Variants in CNTN1 observed in about 807,000 individuals in gnomAD.
CNTN1 encodes the protein contactin 1.
In CNTN1, 38 loss-of-function variants were observed where a neutral mutation model predicts 126.4. The ratio of observed to expected loss-of-function variants is 0.30; its 90% CI spans 0.23 to 0.39. CNTN1 has a LOEUF of 0.39. Among genes scored for constraint, CNTN1 ranks in the 10% least tolerant of loss-of-function variants. The probability of loss-of-function intolerance (pLI) is 1.00; values close to 1 mark genes in which losing one functional copy is unlikely to be tolerated. For missense variants in CNTN1, 1,009 were observed against 1,248.4 expected (o/e 0.81, Z 2.89); for synonymous variants, 413 against 422.6 (o/e 0.98, Z 0.28).
At chr12:40,975,714 C>T (rs921148455) in intron 15 of CNTN1, among the ~76,000 whole-genome samples, 4 of 152,008 alleles carry the variant, frequency 2.6e-5, no homozygotes, top group African/African-American at 9.7e-5. Flanking sequence ...GAGGCAGCCA[C>T]CATCTGAAGT....
chr12:40,932,255 C>T (rs1267981301), intron 7 of CNTN1, among the ~76,000 whole-genome samples: 1 of 151,902 alleles, frequency 6.6e-6, no homozygotes, highest in Non-Finnish European at 1.5e-5. Flanking sequence ...CTGTCTCCCC[C>T]ATACTGTTCT....
intron 1 of CNTN1, among the ~76,000 whole-genome samples, chr12:40,846,004 G>A (rs1942486065): frequency 6.6e-6 from 1 of 152,190 alleles, no homozygotes; most frequent in Non-Finnish European, 1.5e-5. Context: ...ACTTTCGAGT[G>A]TGATCTAAAA....
intron 19 of CNTN1, among the ~76,000 whole-genome samples, chr12:41,017,744 C>A (rs1390648141): frequency 6.6e-6 from 1 of 152,004 alleles, no homozygotes; most frequent in African/African-American, 2.4e-5. Flanking sequence ...ACATTATTTT[C>A]TCTGATTTCT....
At chr12:41,042,939 C>A (rs534306077) in intron 23 of CNTN1, among the ~76,000 whole-genome samples, 2,163 of 152,216 alleles carry the variant, frequency 0.014, 56 homozygotes, top group African/African-American at 0.048. Flanking sequence ...GGAAAACTGG[C>A]TAGCCATATG....
intron 1 of CNTN1, among the ~76,000 whole-genome samples, chr12:40,858,059 GT>G (rs1466435120): frequency 6.6e-6 from 1 of 152,178 alleles, no homozygotes; most frequent in Non-Finnish European, 1.5e-5. Flanking sequence ...GCTGGGCTGT[GT>G]TCCCTTCTGG....
At chr12:40,958,316 T>C (rs1453366469) in intron 14 of CNTN1, among the ~76,000 whole-genome samples, 1 of 150,230 alleles carries the variant, frequency 6.7e-6, no homozygotes, top group African/African-American at 2.5e-5. Context: ...TGTGCCTGTA[T>C]GTGTGTATGT....
intron 12 of CNTN1, among the ~76,000 whole-genome samples, chr12:40,941,836 G>A (rs1165740811): frequency 6.6e-6 from 1 of 151,978 alleles, no homozygotes; most frequent in Non-Finnish European, 1.5e-5. Flanking sequence ...TGGAAATAAG[G>A]ATAAGATCTT....
chr12:40,708,594 T>C (rs747314188), intron 1 of CNTN1, among the ~76,000 whole-genome samples: 10 of 152,218 alleles, frequency 6.6e-5, no homozygotes, highest in Non-Finnish European at 8.8e-5. Context: ...AGTTGACTCA[T>C]CTGTAGCATG....
intron 1 of CNTN1, among the ~76,000 whole-genome samples, chr12:40,875,299 T>C (rs1472566153): frequency 2.0e-5 from 3 of 152,102 alleles, no homozygotes; most frequent in Non-Finnish European, 4.4e-5. Context: ...AAAACCATAG[T>C]AAAACATCAC....
intron 9 of CNTN1, among the ~76,000 whole-genome samples, chr12:40,936,256 A>G (rs1231993295): frequency 6.6e-6 from 1 of 152,108 alleles, no homozygotes; most frequent in Non-Finnish European, 1.5e-5. Context: ...ATAGTTTCTA[A>G]TATGGAAAGA....
chr12:40,881,450 A>G (rs1277314667), intron 1 of CNTN1, among the ~76,000 whole-genome samples: 1 of 151,844 alleles, frequency 6.6e-6, no homozygotes, highest in Non-Finnish European at 1.5e-5. Flanking sequence ...TTAGGGCTAT[A>G]CTATGGCCAG....
intron 17 of CNTN1, among the ~76,000 whole-genome samples, chr12:41,008,091 C>T (rs1433222608): frequency 6.6e-6 from 1 of 152,134 alleles, no homozygotes; most frequent in East Asian, 1.9e-4. Context: ...GCAACTTCCT[C>T]CTATAAAGGG....
In CNTN1 at chr12:40,992,804, C is replaced by T. The variant is rs562578315; in HGVS notation, c.1964-316C>T. Among the ~76,000 whole-genome samples the T allele has an allele frequency of 1.5e-3, 224 of 152,246 alleles. 2 individuals are homozygous for T. Among genetic ancestry groups the T allele is most frequent in the Non-Finnish European group, 2.5e-3 (169 of 68,010 alleles). Reference sequence around the variant, plus strand: ...TAGATTGCACCTTCAGAATACAGCTCCTTGCTATTCAAGGTGCAGCTCATG... The same window carrying T: ...TAGATTGCACCTTCAGAATACAGCTTCTTGCTATTCAAGGTGCAGCTCATG... On this transcript the variant is annotated intron_variant, in intron 16 of 23. Transcript: ENST00000551295.
At chr12:41,010,466 C>T (rs886324607) in intron 17 of CNTN1, among the ~76,000 whole-genome samples, 2 of 152,178 alleles carry the variant, frequency 1.3e-5, no homozygotes, top group Non-Finnish European at 2.9e-5. Context: ...TGCCTCTGTC[C>T]TTCTCTTTTG....
chr12:40,698,005 C>G (rs1316928419), intron 1 of CNTN1, among the ~76,000 whole-genome samples: 1 of 152,140 alleles, frequency 6.6e-6, no homozygotes, highest in East Asian at 1.9e-4. Context: ...GATAATTTTT[C>G]ACTCCTGTAC....
At chr12:40,979,263 G>A (rs1258708920) in intron 15 of CNTN1, 2 of 152,046 alleles carry the variant, frequency 1.3e-5, no homozygotes, top group Non-Finnish European at 2.9e-5. Context: ...TGTGTCTTGT[G>A]TTATTTTAAC....
chr12:40,917,220 G>A (rs1022567577), intron 3 of CNTN1, among the ~76,000 whole-genome samples: 13 of 151,844 alleles, frequency 8.6e-5, no homozygotes, highest in Admixed American at 1.3e-4. Context: ...TAGTTGAATA[G>A]CTTATATACA....
intron 5 of CNTN1, among the ~76,000 whole-genome samples, chr12:40,924,120 C>G (rs112168631): frequency 6.6e-6 from 1 of 152,082 alleles, no homozygotes; most frequent in Non-Finnish European, 1.5e-5. Flanking sequence ...TATTCCTTCC[C>G]GATATCCAAG....
At chr12:40,740,024 T>A (rs929255459) in intron 1 of CNTN1, among the ~76,000 whole-genome samples, 2 of 152,000 alleles carry the variant, frequency 1.3e-5, no homozygotes, top group Non-Finnish European at 2.9e-5. Flanking sequence ...CCCTCAAAAA[T>A]TCAACATAAA....
Sources: allele counts gnomAD v4.1 joint callset (sites outside exome capture counted in the v4.1 genomes callset), GRCh38; gene constraint gnomAD v4.1.1; transcripts MANE v1.5; gene names NCBI Gene and HGNC (gene_info 2026-07-23, HGNC 2026-07-21).